MYO7B: variants seen among roughly 807,000 people sequenced by gnomAD.
MYO7B encodes myosin VIIB.
In MYO7B, 212 loss-of-function variants were observed where a neutral mutation model predicts 259.7. The observed-to-expected ratio is 0.82, with a 90% CI of 0.73 to 0.91. MYO7B has a LOEUF of 0.91. Ranked by LOEUF, MYO7B falls within the 40% of genes least tolerant of loss-of-function variation. The pLI is 0.00. For missense variants in MYO7B, 2,732 were observed against 2,813.5 expected, an observed-to-expected ratio of 0.97 and a Z score of 0.66; for synonymous variants, 1,197 against 1,166.4, an observed-to-expected ratio of 1.03 and a Z score of -0.54.
Position 127,596,536 on chromosome 2 carries a change from C to A in MYO7B, c.2319C>A (p.Val773=), listed in dbSNP as rs1283683353. The A allele has an allele frequency of 6.2e-7, 1 of 1,612,802 alleles. No individual in the cohort carries two copies. The highest frequency in any genetic ancestry group is 1.1e-5 in the South Asian group (1 of 90,704). Residue 773 remains valine (V), a synonymous_variant, in exon 19 of 48, where the codon GTC becomes GTA. Coordinates refer to ENST00000409816, the MANE Select transcript of MYO7B (RefSeq NM_001393586.1). ...LDRAALSIQK[V]LRGYRYRKEF... is the part of the protein sequence containing the mutation. Reference sequence around the variant, plus strand: ...GAGCGGCGCTCAGCATCCAGAAAGTCCTTCGGGGCTACAGATACAGGTGCC... The same window carrying A: ...GAGCGGCGCTCAGCATCCAGAAAGTACTTCGGGGCTACAGATACAGGTGCC...
Position 127,624,162 on chromosome 2 carries a change from G to A in MYO7B, c.3889G>A (p.Glu1297Lys), listed in dbSNP as rs531763523. 1.9e-6 allele frequency: 3 copies of A among 1,596,366 alleles called. No individual in the cohort carries two copies. The highest frequency in any genetic ancestry group is 2.7e-5 in the African/African-American group (2 of 74,686). ...AIARCEQMAQ[E>K]RGESQRQSPW... ...CGCCCGGTGTGAGCAGATGGCCCAG[G>A]AGAGGGGCGAGAGCCAGCGCCAGTC... Residue 1297 changes from glutamate (E) to lysine (K), a missense_variant, in exon 30 of 48, where the codon GAG becomes AAG. Physicochemically the swap from Glu to Lys is moderately conservative, Grantham distance 56. Around this residue, in one of 3 missense-constraint regions of MYO7B, gnomAD observed 1,906 missense variants for 2,026.4 expected, o/e 0.94. Transcript: ENST00000409816.
intron 26 of MYO7B, 53 bp from the exon 27 acceptor site, chr2:127,620,287 T>A: frequency 6.4e-7 from 1 of 1,561,648 alleles, no homozygotes. Flanking sequence ...TACCCCTGTC[T>A]CCTCTCCTCC....
At chr2:127,625,948 T>C in intron 31 of MYO7B, 1 of 187,978 alleles carries the variant, frequency 5.3e-6, no homozygotes, top group Non-Finnish European at 1.1e-5. Flanking sequence ...GGCCAGAGTG[T>C]ATGGACATTC....
chr2:127,599,573 A>G (rs928695891), intron 19 of MYO7B, among the ~76,000 whole-genome samples: 8 of 152,210 alleles, frequency 5.3e-5, no homozygotes, highest in Non-Finnish European at 1.0e-4. Context: ...AGTGGTGAGA[A>G]CAGATATATT....
At chr2:127,552,089 A>G (rs1275260976) in intron 1 of MYO7B, among the ~76,000 whole-genome samples, 7 of 152,338 alleles carry the variant, frequency 4.6e-5, no homozygotes, top group African/African-American at 1.7e-4. Context: ...GGCCCACGTC[A>G]TGTATGCTTC....
chr2:127,588,526 C>CAGGCAA lies in MYO7B; in HGVS notation c.1831_1836dup (p.Lys611_Ala612dup). The CAGGCAA allele has an allele frequency of 6.2e-7, 1 of 1,613,250 alleles. No homozygotes were observed. Among genetic ancestry groups the CAGGCAA allele is most frequent in the Non-Finnish European group, 8.5e-7 (1 of 1,179,846 alleles). The stretch of plus-strand genomic sequence containing the variant: ...CAAGCTGGGCCATGGGACCATCCGC[C>CAGGCAA]AGGCAAAGGCAGGAAACCATCTCTT... On this transcript the variant is annotated inframe_insertion, in exon 15 of 48. Transcript: ENST00000409816.
intron 30 of MYO7B, 89 bp downstream of exon 30, chr2:127,624,409 G>C: frequency 8.2e-7 from 1 of 1,213,280 alleles, no homozygotes; most frequent in Non-Finnish European, 1.1e-6. Context: ...CTGAGGCCAG[G>C]TAGAAGGTGG....
chr2:127,578,441 G>T (rs1015600882), intron 9 of MYO7B, among the ~76,000 whole-genome samples, 155 bp downstream of exon 9: 4 of 151,786 alleles, frequency 2.6e-5, no homozygotes, highest in Admixed American at 6.6e-5. Context: ...GATTTTGGAG[G>T]CCTCGTGAGG....
At chr2:127,624,648 C>T (rs899386894) in intron 30 of MYO7B, among the ~76,000 whole-genome samples, 1 of 152,228 alleles carries the variant, frequency 6.6e-6, no homozygotes, top group African/African-American at 2.4e-5. Context: ...AAGTCTGAAT[C>T]CCACCTCCCC....
intron 19 of MYO7B, among the ~76,000 whole-genome samples, chr2:127,603,795 G>A (rs1680052973): frequency 6.6e-6 from 1 of 152,190 alleles, no homozygotes; most frequent in African/African-American, 2.4e-5. Flanking sequence ...ACCTAGAAAA[G>A]TCCTAGTGGC....
rs1573715449 is a variant in MYO7B, at chr2:127,627,352, C to A, written c.4460+42C>A. 1.3e-6 allele frequency: 2 copies of A among 1,574,356 alleles called. No individual in the cohort carries two copies. Among genetic ancestry groups the A allele is most frequent in the Non-Finnish European group, 1.7e-6 (2 of 1,154,668 alleles). ...AAGATCTCTTCTTACACACTGAGTC[C>A]TTGTGATGCATCTGGGGGCTCGGGG... On this transcript the variant is annotated intron_variant, in intron 33 of 47. Coordinates refer to ENST00000409816, the MANE Select transcript of MYO7B (RefSeq NM_001393586.1). The surrounding 1 kb of genome is among the most constrained non-coding windows in gnomAD (Gnocchi z 5.6).
chr2:127,618,208 C>T (rs933272624), intron 26 of MYO7B, among the ~76,000 whole-genome samples: 2 of 152,126 alleles, frequency 1.3e-5, no homozygotes, highest in East Asian at 1.9e-4. Flanking sequence ...ATCGTCATTA[C>T]GGGAGTTACT....
chr2:127,622,438 C>CCATGG (rs1313933757), intron 28 of MYO7B, among the ~76,000 whole-genome samples: 1 of 152,208 alleles, frequency 6.6e-6, no homozygotes, highest in Non-Finnish European at 1.5e-5. Context: ...AGTAGTCACA[C>CCATGG]CATGGTTGGC....
intron 1 of MYO7B, among the ~76,000 whole-genome samples, chr2:127,537,970 T>C (rs1451109358): frequency 1.3e-5 from 2 of 152,010 alleles, no homozygotes; most frequent in African/African-American, 2.4e-5. Flanking sequence ...TCCAGCAGTG[T>C]GTAGTGTGTT....
At position 127,607,448 on chromosome 2, in the gene MYO7B, G is replaced by C; in HGVS notation, c.2643+24G>C. 6.5e-7 allele frequency: 1 copy of C among 1,547,974 alleles called. No individual in the cohort carries two copies. Among genetic ancestry groups the C allele is most frequent in the Non-Finnish European group, 8.7e-7 (1 of 1,145,240 alleles). On this transcript the variant is annotated intron_variant, in intron 21 of 47. Coordinates refer to ENST00000409816, the MANE Select transcript of MYO7B (RefSeq NM_001393586.1). The surrounding 1 kb of genome is among the most constrained non-coding windows in gnomAD (Gnocchi z 4.4). The stretch of plus-strand genomic sequence containing the variant: ...ATGTAGGTGGTCACCTGGCCTCTTG[G>C]GCAGGTGGGGCTGGCTGGGGCCCCA...
At chr2:127,568,451 A>G (rs1051033782) in intron 5 of MYO7B, among the ~76,000 whole-genome samples, 3 of 152,112 alleles carry the variant, frequency 2.0e-5, no homozygotes, top group Admixed American at 6.5e-5. Flanking sequence ...TGTCTCTACA[A>G]TGGCAGGTTA....
chr2:127,566,695 T>C lies in MYO7B; in HGVS notation c.338T>C (p.Leu113Pro). 1 of 1,609,534 alleles carries C rather than the reference T, an allele frequency of 6.2e-7. No individual in the cohort carries two copies. Among genetic ancestry groups the C allele is most frequent in the Non-Finnish European group, 8.5e-7 (1 of 1,178,578 alleles). Residue 113 changes from leucine to proline, a missense_variant, in exon 5 of 48, where the codon CTC (leucine) becomes CCC (proline). Coordinates refer to ENST00000409816, the MANE Select transcript of MYO7B (RefSeq NM_001393586.1). Reference protein sequence around the residue: ...VAVNPFQVLPLYTLEQVQLYY... With the variant: ...VAVNPFQVLPPYTLEQVQLYY... ...GTCAACCCGTTCCAGGTGCTGCCGC[T>C]CTACACCCTGGAGCAGGTACAGCTC...
chr2:127,623,518 C>A, intron 29 of MYO7B, 143 bp downstream of exon 29: 1 of 868,980 alleles, frequency 1.2e-6, no homozygotes, highest in Non-Finnish European at 1.7e-6. Context: ...ACCCTCCCAG[C>A]CACCAGGCAC....
rs540058977 is a variant in MYO7B at position 127,637,529 on chromosome 2, GC to G, written c.*118del. The G allele has an allele frequency of 2.2e-5, 18 of 809,600 alleles. No individual in the cohort carries two copies. Among genetic ancestry groups the G allele is most frequent in the South Asian group, 1.6e-4 (8 of 49,306 alleles). 50.2% of individuals were successfully genotyped at this position (809,600 alleles called of 1,614,324 possible). On this transcript the variant is annotated 3_prime_UTR_variant, in exon 48 of 48. Coordinates refer to ENST00000409816, the MANE Select transcript of MYO7B (RefSeq NM_001393586.1). ...TCCTTGGCGGGCAGCCTTCCATGCT[GC>G]CCCCCATACAAAGCCCACTCAGCCC...
Sources: gnomAD v4.1 joint callset for allele counts (sites outside exome capture counted in the v4.1 genomes callset) on GRCh38, gnomAD v4.1.1 for gene constraint, gnomAD v4.1.1 regional missense constraint, Gnocchi (gnomAD v3.1) non-coding constraint, MANE v1.5 for transcripts, NCBI Gene and HGNC (gene_info 2026-07-23, HGNC 2026-07-21) for gene names.